The following ANK3 variants were observed in gnomAD, a reference collection of about 807,000 sequenced individuals.
ANK3 encodes the protein ankyrin 3.
A neutral mutation model predicts 370.9 loss-of-function variants in ANK3; 57 were observed. The observed-to-expected ratio is 0.15, with a 90% CI of 0.12 to 0.19. ANK3 has a LOEUF of 0.19. Among genes scored for constraint, ANK3 ranks in the 10% least tolerant of loss-of-function variants. The pLI is 1.00. For missense variants in ANK3, 4,439 were observed against 5,302.1 expected (o/e 0.84, Z 5.06); for synonymous variants, 1,929 against 1,946.3 (o/e 0.99, Z 0.23).
chr10:60,120,892 A>G (rs566032214), intron 25 of ANK3, among the ~76,000 whole-genome samples: 1 of 152,256 alleles, frequency 6.6e-6, no homozygotes, highest in South Asian at 2.1e-4. Context: ...CACCACAGAG[A>G]GCAGTCTGGA....
chr10:60,383,926 G>A (rs1594845184), intron 1 of ANK3, among the ~76,000 whole-genome samples: 1 of 152,112 alleles, frequency 6.6e-6, no homozygotes, highest in Admixed American at 6.6e-5. Context: ...TAAAAAATCT[G>A]TTCTCAAACC....
chr10:60,272,129 A>G (rs996291211), intron 4 of ANK3, among the ~76,000 whole-genome samples: 1 of 145,428 alleles, frequency 6.9e-6, no homozygotes, highest in Non-Finnish European at 1.5e-5. Flanking sequence ...GTGTGTGTGC[A>G]TGCCCATAGG....
In ANK3 at chr10:60,185,515, T is replaced by C. The variant is rs555923608; in HGVS notation, c.2085+1200A>G. 1.1e-4 allele frequency among the ~76,000 whole-genome samples: 17 copies of C among 152,338 alleles called. No homozygotes were observed. In the South Asian group the frequency reaches 3.1e-3, roughly 28 times the overall value. ...TCCAACTTAGGATTCAAACTCTCTG[T>C]GATTTCAAAACACAGGCACACGTGT... On this transcript the variant is annotated intron_variant, in intron 17 of 43. Transcript: ENST00000280772.
Position 60,072,368 on chromosome 10 carries a change from G to A in ANK3, c.8513C>T (p.Thr2838Ile). The change falls in exon 37 of 44, where the codon ACC (threonine) becomes ATC (isoleucine). Residue 2838 changes from threonine to isoleucine, a missense_variant. By Grantham distance (89) the Thr-to-Ile change is moderately conservative (BLOSUM62 -1). Around this residue, in one of 13 missense-constraint regions of ANK3, gnomAD observed 1,601 missense variants for 1,731.7 expected, o/e 0.92. Coordinates refer to ENST00000280772, the MANE Select transcript of ANK3 (RefSeq NM_020987.5). ...QQAKDLACHITSDLATRGPWD... is the reference protein window; with the variant it reads ...QQAKDLACHIISDLATRGPWD... ...TGGTCCCCTAGTTGCTAAATCTGAG[G>A]TTATATGACATGCCAAGTCTTTAGC... 6.2e-7 allele frequency: 1 copy of A among 1,613,956 alleles called. No individual in the cohort carries two copies. The highest frequency in any genetic ancestry group is 8.5e-7 in the Non-Finnish European group (1 of 1,179,986).
At chr10:60,353,641 A>G (rs552179902) in intron 1 of ANK3, among the ~76,000 whole-genome samples, 4 of 152,214 alleles carry the variant, frequency 2.6e-5, no homozygotes, top group Admixed American at 6.5e-5. Context: ...GCAGAAGATA[A>G]CAGGCGCCAT....
At chr10:60,232,288 C>T (rs1190872443) in intron 8 of ANK3, among the ~76,000 whole-genome samples, 2 of 152,150 alleles carry the variant, frequency 1.3e-5, no homozygotes, top group Admixed American at 6.5e-5. Flanking sequence ...TATCCGGGCA[C>T]CTCTTCAAGC....
intron 1 of ANK3, among the ~76,000 whole-genome samples, chr10:60,362,441 A>G (rs1319871524): frequency 6.6e-6 from 1 of 152,218 alleles, no homozygotes; most frequent in African/African-American, 2.4e-5. Context: ...TTATATCATC[A>G]AGAGACTAAA....
intron 1 of ANK3, among the ~76,000 whole-genome samples, chr10:60,694,783 CT>C (rs1425294397): frequency 6.6e-6 from 1 of 151,862 alleles, no homozygotes; most frequent in African/African-American, 2.4e-5. Context: ...GTACCAGCCA[CT>C]GCAAAATCAT....
chr10:60,692,311 A>C (rs1377042026), intron 1 of ANK3, among the ~76,000 whole-genome samples: 1 of 152,180 alleles, frequency 6.6e-6, no homozygotes, highest in Non-Finnish European at 1.5e-5. Flanking sequence ...TTGTTGTTAG[A>C]CAAGACCAAC....
At chr10:60,098,173 C>G (rs1403676551) in intron 28 of ANK3, among the ~76,000 whole-genome samples, 1 of 152,096 alleles carries the variant, frequency 6.6e-6, no homozygotes, top group Non-Finnish European at 1.5e-5. Context: ...GAAAACCACC[C>G]AGCACAATTC....
intron 2 of ANK3, among the ~76,000 whole-genome samples, chr10:60,429,406 C>T (rs902335667): frequency 6.6e-6 from 1 of 152,088 alleles, no homozygotes; most frequent in South Asian, 2.1e-4. Flanking sequence ...AGAGGGTACA[C>T]ATATTCCAAG....
At chr10:60,235,564 T>G (rs796356336) in intron 7 of ANK3, among the ~76,000 whole-genome samples, 21,978 of 143,974 alleles carry the variant, frequency 0.15, 1,187 homozygotes, top group African/African-American at 0.17. Context: ...TTTTTTTTTT[T>G]TTTTTTTTTT....
intron 1 of ANK3, among the ~76,000 whole-genome samples, chr10:60,634,590 A>G (rs1432860421): frequency 6.6e-6 from 1 of 152,096 alleles, no homozygotes; most frequent in Non-Finnish European, 1.5e-5. Flanking sequence ...GGGGCCAAAT[A>G]AGGGAATAAA....
chr10:60,225,329 C>T (rs1449077143), intron 8 of ANK3, among the ~76,000 whole-genome samples: 1 of 152,060 alleles, frequency 6.6e-6, no homozygotes, highest in Non-Finnish European at 1.5e-5. Flanking sequence ...TTTGAATGTC[C>T]TCTATGATAT....
rs751301922 is a variant in ANK3 at position 60,186,790 on chromosome 10, G to A, written c.2010C>T (p.Leu670=). Reference sequence around the variant, plus strand: ...TGTCCACGTGCCCTTCCTGAGCTGCGAGATGGACGGAAGCAATTCCTTGCC... The same window carrying A: ...TGTCCACGTGCCCTTCCTGAGCTGCAAGATGGACGGAAGCAATTCCTTGCC... ...VTRQGIASVH[L]AAQEGHVDMV... Residue 670 remains leucine (L), a synonymous_variant, in exon 17 of 44, where the codon CTC becomes CTT. Coordinates refer to ENST00000280772, the MANE Select transcript of ANK3 (RefSeq NM_020987.5). The A allele has an allele frequency of 3.1e-6, 5 of 1,613,988 alleles. No individual in the cohort carries two copies. The highest frequency in any genetic ancestry group is 1.3e-5 in the African/African-American group (1 of 74,904).
chr10:60,059,672 A>T (rs561659383), intron 40 of ANK3: 2 of 1,583,398 alleles, frequency 1.3e-6, no homozygotes, highest in South Asian at 2.3e-5. Context: ...ACCCAGCCAA[A>T]TTTCCAAGGT....
intron 42 of ANK3, among the ~76,000 whole-genome samples, chr10:60,055,139 C>T (rs1410901459): frequency 6.6e-6 from 1 of 151,394 alleles, no homozygotes; most frequent in Non-Finnish European, 1.5e-5. Flanking sequence ...GTCAACTCAC[C>T]TCATTTTAGG....
chr10:60,361,187 T>A (rs1396228712), intron 1 of ANK3, among the ~76,000 whole-genome samples: 2 of 152,248 alleles, frequency 1.3e-5, no homozygotes, highest in Non-Finnish European at 2.9e-5. Context: ...CTAAGGAAGC[T>A]GTTCAGTATT....
chr10:60,188,740 T>C (rs1417310484), intron 16 of ANK3, among the ~76,000 whole-genome samples: 1 of 152,204 alleles, frequency 6.6e-6, no homozygotes. Context: ...CCAAACTGGA[T>C]GAGCCAGGGT....
Sources: allele counts gnomAD v4.1 joint callset (sites outside exome capture counted in the v4.1 genomes callset), GRCh38; gene constraint gnomAD v4.1.1; regional missense constraint gnomAD v4.1.1; transcripts MANE v1.5; gene names NCBI Gene and HGNC (gene_info 2026-07-23, HGNC 2026-07-21).